Variants in PCSK5 observed in about 807,000 individuals in gnomAD.
PCSK5 encodes the protein proprotein convertase subtilisin/kexin type 5.
In PCSK5, 129 loss-of-function variants were observed where a neutral mutation model predicts 233.2. The ratio of observed to expected loss-of-function variants is 0.55; its 90% CI spans 0.48 to 0.64. The LOEUF (loss-of-function observed/expected upper bound fraction) is 0.64. PCSK5 is among the 30% of genes least tolerant of loss of function. The probability of loss-of-function intolerance (pLI) is 0.00; values close to 1 mark genes in which losing one functional copy is unlikely to be tolerated. For missense variants in PCSK5, 2,076 were observed against 2,430.1 expected (o/e 0.85, Z 3.06); for synonymous variants, 825 against 879.2 (o/e 0.94, Z 1.09).
At chr9:75,930,311 A>G (rs185864786) in intron 1 of PCSK5, among the ~76,000 whole-genome samples, 1 of 152,202 alleles carries the variant, frequency 6.6e-6, no homozygotes, top group East Asian at 1.9e-4. Flanking sequence ...ACGCAGCCAA[A>G]CAATATCAGC....
At chr9:76,307,968 C>G (rs12345301) in intron 28 of PCSK5, among the ~76,000 whole-genome samples, 1 of 152,142 alleles carries the variant, frequency 6.6e-6, no homozygotes, top group East Asian at 1.9e-4. Context: ...GAGGCTGAGG[C>G]GGGTGGATCA....
At chr9:76,199,565 A>G (rs1032951409) in intron 20 of PCSK5, among the ~76,000 whole-genome samples, 1 of 152,140 alleles carries the variant, frequency 6.6e-6, no homozygotes, top group African/African-American at 2.4e-5. Flanking sequence ...TCTAGGGAAC[A>G]GAAAAGAGGA....
chr9:76,328,975 ATTT>A (rs59466685), intron 33 of PCSK5, among the ~76,000 whole-genome samples: 1 of 123,706 alleles, frequency 8.1e-6, no homozygotes, highest in South Asian at 2.7e-4. Flanking sequence ...CTCCCGGCTA[ATTT>A]TTTTTTTTTT....
chr9:76,160,068 G>T (rs540777327), intron 12 of PCSK5, among the ~76,000 whole-genome samples: 14 of 151,904 alleles, frequency 9.2e-5, no homozygotes, highest in Non-Finnish European at 1.6e-4. Context: ...TGATCCATCC[G>T]CCTCGGCCTC....
chr9:76,084,581 ACTC>A (rs1262544377), intron 7 of PCSK5, among the ~76,000 whole-genome samples: 9 of 152,008 alleles, frequency 5.9e-5, no homozygotes. Context: ...AGGTAAGTGA[ACTC>A]CTCCTCACAA....
At chr9:75,932,554 GGGGCTGA>G (rs1414607086) in intron 2 of PCSK5, 71 bp downstream of exon 2, 1 of 879,644 alleles carries the variant, frequency 1.1e-6, no homozygotes, top group African/African-American at 1.7e-5. Flanking sequence ...TAACACACTA[GGGGCTGA>G]GGACCAGCAT....
chr9:76,067,875 C>T (rs1373619873), intron 5 of PCSK5, 80 bp from the exon 6 acceptor site: 1 of 1,118,826 alleles, frequency 8.9e-7, no homozygotes, highest in Non-Finnish European at 1.4e-6. Context: ...TTCTTCACCA[C>T]TCTGAGTGGT....
intron 22 of PCSK5, among the ~76,000 whole-genome samples, chr9:76,237,710 G>C (rs1365583898): frequency 6.6e-6 from 1 of 152,096 alleles, no homozygotes; most frequent in Non-Finnish European, 1.5e-5. Context: ...CAGGAGAGGA[G>C]GTTGCAGTAA....
intron 8 of PCSK5, among the ~76,000 whole-genome samples, chr9:76,102,353 G>A (rs1254773908): frequency 1.3e-5 from 2 of 150,944 alleles, no homozygotes; most frequent in Non-Finnish European, 3.0e-5. Flanking sequence ...CATTTTATAT[G>A]GACACACATA....
chr9:76,328,139 G>T lies in PCSK5; in HGVS notation c.4470G>T (p.Glu1490Asp), dbSNP rs1350425099. 1 of 1,612,866 alleles carries T rather than the reference G, an allele frequency of 6.2e-7. No individual in the cohort carries two copies. The highest frequency in any genetic ancestry group is 8.5e-7 in the Non-Finnish European group (1 of 1,179,832). ...EKCSPSEYWD[E>D]DAPGCKPCHV... ...GCTCACCCTCCGAGTACTGGGATGA[G>T]GATGCTCCCGGGTGCAAGCCCTGCC... Residue 1490 changes from glutamate to aspartate, a missense_variant, in exon 33 of 38, where the codon GAG (glutamate) becomes GAT (aspartate). Around this residue, in one of 6 missense-constraint regions of PCSK5, gnomAD observed 1,510 missense variants for 1,538.1 expected, o/e 0.98. Coordinates refer to ENST00000674117, the MANE Select transcript of PCSK5 (RefSeq NM_001372043.1).
At chr9:76,141,000 G>C (rs943943573) in intron 10 of PCSK5, among the ~76,000 whole-genome samples, 1 of 152,080 alleles carries the variant, frequency 6.6e-6, no homozygotes, top group Admixed American at 6.6e-5. Flanking sequence ...CTAGATATTT[G>C]TAAAACTCTT....
At chr9:76,291,596 G>C (rs1309819270) in intron 24 of PCSK5, among the ~76,000 whole-genome samples, 2 of 152,158 alleles carry the variant, frequency 1.3e-5, no homozygotes, top group African/African-American at 4.8e-5. Flanking sequence ...AGGCTGAGAT[G>C]ATGACTCTCA....
At chr9:75,901,618 C>T (rs1290268807) in intron 1 of PCSK5, among the ~76,000 whole-genome samples, 1 of 142,482 alleles carries the variant, frequency 7.0e-6, no homozygotes, top group Non-Finnish European at 1.5e-5. Context: ...GCACATATAT[C>T]CCAGAACTTA....
In PCSK5 at chr9:76,362,666, C is replaced by T. The variant is rs187413324; in HGVS notation, c.*3744C>T. 6.6e-5 allele frequency among the ~76,000 whole-genome samples: 10 copies of T among 152,336 alleles called. No individual in the cohort carries two copies. The highest frequency in any genetic ancestry group is 3.9e-4 in the East Asian group (2 of 5,184). Reference sequence around the variant, plus strand: ...TGAAATCCACAGGCAGACAGCCCGGCGCTACGCCCTGGGCCTGGCAGTTAA... The same window carrying T: ...TGAAATCCACAGGCAGACAGCCCGGTGCTACGCCCTGGGCCTGGCAGTTAA... On this transcript the variant is annotated 3_prime_UTR_variant, in exon 38 of 38. Transcript: ENST00000674117.
chr9:76,335,059 C>G, intron 34 of PCSK5, among the ~76,000 whole-genome samples: 1 of 152,174 alleles, frequency 6.6e-6, no homozygotes, highest in East Asian at 1.9e-4. Context: ...GCCTGGGCAA[C>G]AGAACAAGAC....
chr9:75,965,281 G>GTGTGTA (rs1825529728), intron 2 of PCSK5, among the ~76,000 whole-genome samples: 1 of 138,680 alleles, frequency 7.2e-6, no homozygotes, highest in South Asian at 2.3e-4. Flanking sequence ...GTGTGTGTGT[G>GTGTGTA]TGTGTGTGTG....
intron 35 of PCSK5, among the ~76,000 whole-genome samples, chr9:76,338,891 T>TA (rs1192830590): frequency 1.3e-5 from 2 of 152,144 alleles, no homozygotes; most frequent in Admixed American, 1.3e-4. Flanking sequence ...TCCAGGCTGA[T>TA]ACTTTGAAGT....
chr9:76,352,074 A>C (rs1257467036), intron 36 of PCSK5, among the ~76,000 whole-genome samples: 1 of 152,220 alleles, frequency 6.6e-6, no homozygotes, highest in Non-Finnish European at 1.5e-5. Context: ...CAAGTTTATT[A>C]AGAAAGTAGA....
intron 1 of PCSK5, among the ~76,000 whole-genome samples, chr9:75,909,679 G>C (rs947412102): frequency 6.6e-6 from 1 of 152,082 alleles, no homozygotes; most frequent in Admixed American, 6.5e-5. Flanking sequence ...TGGGTAACAA[G>C]AGCAAGACTC....
Sources: allele counts gnomAD v4.1 joint callset (sites outside exome capture counted in the v4.1 genomes callset), GRCh38; gene constraint gnomAD v4.1.1; regional missense constraint gnomAD v4.1.1; transcripts MANE v1.5; gene names NCBI Gene and HGNC (gene_info 2026-07-23, HGNC 2026-07-21).